SLC19A1: variants seen among roughly 807,000 people sequenced by gnomAD.
SLC19A1 encodes solute carrier family 19 member 1.
SLC19A1 carries 37 observed loss-of-function variants against 35.3 expected under a neutral mutation model. That is an observed-to-expected ratio of 1.05 (90% CI 0.81 to 1.38). The LOEUF (loss-of-function observed/expected upper bound fraction) is 1.38, where lower values mean the gene tolerates loss of function less well. SLC19A1 is among the 40% of genes most tolerant of loss of function. SLC19A1 has a pLI of 0.00. For missense variants in SLC19A1, 831 were observed against 826.9 expected, an observed-to-expected ratio of 1.00 and a Z score of -0.06; for synonymous variants, 460 against 398.5, an observed-to-expected ratio of 1.15 and a Z score of -1.84.
chr21:45,505,653 C>T (rs1022104979), intron 3 of SLC19A1, among the ~76,000 whole-genome samples: 10 of 152,166 alleles, frequency 6.6e-5, no homozygotes, highest in South Asian at 2.1e-4. Context: ...ACATTGTCCA[C>T]GGAGGCGCAG....
chr21:45,530,942 C>G lies in SLC19A1; in HGVS notation c.979G>C (p.Val327Leu). Reference sequence around the variant, plus strand: ...GACCAGCGCGCCCAGCGGATCTTCACGAAGCCCGCGGCGAAGGACGTGATG... The same window carrying G: ...GACCAGCGCGCCCAGCGGATCTTCAGGAAGCCCGCGGCGAAGGACGTGATG... ...GAITSFAAGF[V>L]KIRWARWSKL... is the part of the protein sequence containing the mutation. The change falls in exon 4 of 6, where the codon GTG becomes CTG. Residue 327 changes from valine (V) to leucine (L), a missense_variant. Transcript: ENST00000311124. This position sits in a 1 kb window ranked among gnomAD's most constrained non-coding sequence, Gnocchi z 5.3. 1 of 1,445,032 alleles carries G rather than the reference C, an allele frequency of 6.9e-7. No individual in the cohort carries two copies. Among genetic ancestry groups the G allele is most frequent in the Non-Finnish European group, 9.1e-7 (1 of 1,100,256 alleles). The allele number at this position is 1,445,032 out of a possible 1,614,324, so 89.5% of individuals were successfully genotyped here.
At chr21:45,512,448 C>A (rs1340447301), downstream of SLC19A1, 1 of 1,568,014 alleles carries the variant, frequency 6.4e-7, no homozygotes, top group Admixed American at 1.8e-5. Context: ...TCGGAGGAAG[C>A]CCCCACCGTG....
downstream of SLC19A1, chr21:45,512,469 G>A (rs8199): frequency 0.44 from 654,744 of 1,481,350 alleles, 145,859 homozygotes; most frequent in East Asian, 0.57. Context: ...GGCAGGGAGC[G>A]GCCGGCCAGC....
At chr21:45,521,845 T>A (rs1306240078) in intron 5 of SLC19A1, among the ~76,000 whole-genome samples, 1 of 152,140 alleles carries the variant, frequency 6.6e-6, no homozygotes, top group Non-Finnish European at 1.5e-5. Flanking sequence ...AAACTTCACA[T>A]CTTATACAAA....
Position 45,517,414 on chromosome 21 carries a change from G to A in SLC19A1, c.1294-1274C>T, listed in dbSNP as rs527694683. ...ACCCCCGAGTCCCCTGCGGGGTGGT[G>A]TCAGACAACACCAGTGGGCACTAGA... On this transcript the variant is annotated intron_variant, in intron 5 of 5. Transcript: ENST00000311124. This position sits in a 1 kb window ranked among gnomAD's most constrained non-coding sequence, Gnocchi z 4.4. Among the ~76,000 whole-genome samples the A allele has an allele frequency of 3.3e-5, 5 of 151,912 alleles. No homozygotes were observed. The highest frequency in any genetic ancestry group is 2.0e-4 in the Admixed American group (3 of 15,264).
At chr21:45,512,215 G>A (rs113315760), downstream of SLC19A1, 2,512 of 1,612,118 alleles carry the variant, frequency 1.6e-3, 3 homozygotes, top group Non-Finnish European at 1.9e-3. Context: ...GGCATGGCTC[G>A]GACCCCAACG....
At chr21:45,509,320 C>G, downstream of SLC19A1, 1 of 1,535,256 alleles carries the variant, frequency 6.5e-7, no homozygotes, top group South Asian at 1.2e-5. Flanking sequence ...CCCGGAGGGT[C>G]CCCCCGCCGA....
At chr21:45,508,499 ATGGTGGG>A (rs1476584912), downstream of SLC19A1, among the ~76,000 whole-genome samples, 22 of 141,142 alleles carry the variant, frequency 1.6e-4, no homozygotes, top group African/African-American at 5.7e-4. Context: ...GGGTGGATGG[ATGGTGGG>A]TAAGTGGGTT....
intron 5 of SLC19A1, among the ~76,000 whole-genome samples, chr21:45,523,081 C>T (rs966870789): frequency 1.3e-5 from 2 of 152,096 alleles, no homozygotes; most frequent in Non-Finnish European, 2.9e-5. Flanking sequence ...CCCAGGCAAG[C>T]TCTAGCCCTG....
At chr21:45,504,686 A>G (rs911673694) in intron 3 of SLC19A1, 13 of 790,138 alleles carry the variant, frequency 1.6e-5, no homozygotes, top group South Asian at 1.4e-4. Context: ...CAGCCCCGAC[A>G]TGTCCCTGTC....
At chr21:45,511,887 G>A (rs531130381), downstream of SLC19A1, among the ~76,000 whole-genome samples, 2 of 152,338 alleles carry the variant, frequency 1.3e-5, no homozygotes, top group South Asian at 4.1e-4. Flanking sequence ...GGCAGCCACA[G>A]GAAGCCTCTG....
upstream of SLC19A1, among the ~76,000 whole-genome samples, chr21:45,542,968 C>T (rs2146469332): frequency 6.6e-6 from 1 of 152,222 alleles, no homozygotes; most frequent in East Asian, 1.9e-4. Flanking sequence ...GGGACACGCA[C>T]AGCCTGCTCT....
downstream of SLC19A1, chr21:45,512,174 G>A (rs191722460): frequency 1.2e-4 from 194 of 1,607,752 alleles, 1 homozygote; most frequent in Middle Eastern, 4.0e-3. Context: ...CTGACGGCCC[G>A]GCGCGTCTTA....
At chr21:45,535,118 CG>C (rs1447834181) in intron 2 of SLC19A1, among the ~76,000 whole-genome samples, 2 of 152,120 alleles carry the variant, frequency 1.3e-5, no homozygotes, top group African/African-American at 4.8e-5. Context: ...TGGCTGGGGA[CG>C]GGGCATGGGC....
intron 5 of SLC19A1, among the ~76,000 whole-genome samples, chr21:45,518,974 A>C (rs1044561071): frequency 2.0e-5 from 3 of 152,258 alleles, no homozygotes; most frequent in Admixed American, 1.3e-4. Context: ...TAAATAAAAC[A>C]GACTTTCCTT....
downstream of SLC19A1, chr21:45,509,431 C>T (rs1326587191): frequency 1.3e-6 from 2 of 1,533,768 alleles, no homozygotes; most frequent in Admixed American, 2.0e-5. Context: ...GCGGGAGCAC[C>T]CCCACCCCAC....
At chr21:45,523,951 T>A (rs995859857) in intron 5 of SLC19A1, among the ~76,000 whole-genome samples, 6 of 152,176 alleles carry the variant, frequency 3.9e-5, no homozygotes, top group Non-Finnish European at 8.8e-5. Flanking sequence ...ACAGAAGCCT[T>A]CTGGGCCCCC....
chr21:45,552,904 C>T (rs916481361), intron 1 of SLC19A1, among the ~76,000 whole-genome samples: 1 of 152,152 alleles, frequency 6.6e-6, no homozygotes, highest in Admixed American at 6.5e-5. Context: ...ACCAGCAGAG[C>T]AGACGGCCTC....
chr21:45,509,854 T>TGG (rs1424779379), downstream of SLC19A1, among the ~76,000 whole-genome samples: 1 of 152,192 alleles, frequency 6.6e-6, no homozygotes, highest in Non-Finnish European at 1.5e-5. Context: ...CAGCGGCAGC[T>TGG]GGGGGCACCC....
Sources: gnomAD v4.1 joint callset for allele counts (sites outside exome capture counted in the v4.1 genomes callset) on GRCh38, gnomAD v4.1.1 for gene constraint, Gnocchi (gnomAD v3.1) non-coding constraint, MANE v1.5 for transcripts, NCBI Gene and HGNC (gene_info 2026-07-23, HGNC 2026-07-21) for gene names.